Variants in CRB1 observed in about 807,000 individuals in gnomAD.
The protein encoded by CRB1 is protein crumbs homolog 1.
In CRB1, 83 loss-of-function variants were observed where a neutral mutation model predicts 120.0. The ratio of observed to expected loss-of-function variants is 0.69; its 90% CI spans 0.58 to 0.83. The LOEUF (loss-of-function observed/expected upper bound fraction) is 0.83. Among genes scored for constraint, CRB1 ranks in the 40% least tolerant of loss-of-function variants. The pLI, the probability that CRB1 is intolerant of heterozygous loss-of-function variation, is 0.00. For missense variants in CRB1, 1,699 were observed against 1,687.6 expected, an observed-to-expected ratio of 1.01 and a Z score of -0.12; for synonymous variants, 625 against 612.5, an observed-to-expected ratio of 1.02 and a Z score of -0.30.
the CRB1 span, among the ~76,000 whole-genome samples, chr1:197,208,067 TTG>T: frequency 3.9e-5 from 6 of 152,100 alleles, no homozygotes; most frequent in Non-Finnish European, 8.8e-5. Context: ...TTTCCAGAAG[TTG>T]TGATTTTTTT....
chr1:197,355,054 T>C (rs1660387322), intron 4 of CRB1, among the ~76,000 whole-genome samples: 1 of 151,694 alleles, frequency 6.6e-6, no homozygotes, highest in Admixed American at 6.6e-5. Context: ...ATTAGCTAGA[T>C]ACAGAGTGCC....
intron 4 of CRB1, among the ~76,000 whole-genome samples, chr1:197,353,946 A>G (rs1165503366): frequency 6.6e-6 from 1 of 151,074 alleles, no homozygotes; most frequent in Non-Finnish European, 1.5e-5. Context: ...AGCAGTATAC[A>G]TAGTATATAA....
intron 10 of CRB1, chr1:197,440,586 A>T (rs531617559): frequency 6.6e-6 from 1 of 152,336 alleles, no homozygotes; most frequent in South Asian, 2.1e-4. Flanking sequence ...AATGATGCTG[A>T]TAATACATGT....
At chr1:197,392,618 GATAA>G (rs1662564154) in intron 5 of CRB1, among the ~76,000 whole-genome samples, 1 of 152,034 alleles carries the variant, frequency 6.6e-6, no homozygotes, top group Non-Finnish European at 1.5e-5. Flanking sequence ...AGAGAAACAG[GATAA>G]ATATTTTTTG....
intron 2 of CRB1, among the ~76,000 whole-genome samples, chr1:197,337,081 T>C (rs906148014): frequency 1.3e-5 from 2 of 152,202 alleles, no homozygotes; most frequent in South Asian, 4.1e-4. Flanking sequence ...TCCAAGGCGA[T>C]GAAAAGGTGA....
the CRB1 span, among the ~76,000 whole-genome samples, chr1:197,245,292 GAAT>G: frequency 6.6e-6 from 1 of 151,954 alleles, no homozygotes; most frequent in Non-Finnish European, 1.5e-5. Context: ...TTCACTTCAA[GAAT>G]GTTTGTAATT....
intron 11 of CRB1, among the ~76,000 whole-genome samples, chr1:197,471,895 C>A (rs1666994345): frequency 1.3e-5 from 2 of 152,178 alleles, no homozygotes; most frequent in Admixed American, 1.3e-4. Context: ...GTCAGAATAG[C>A]AATTCACAAG....
intron 11 of CRB1, among the ~76,000 whole-genome samples, chr1:197,447,848 T>C (rs1665774339): frequency 7.2e-6 from 1 of 139,614 alleles, no homozygotes; most frequent in South Asian, 2.3e-4. Context: ...AGCAAGAACC[T>C]GTCTCAAAAA....
the CRB1 span, among the ~76,000 whole-genome samples, chr1:197,225,789 C>T: frequency 3.9e-5 from 6 of 152,234 alleles, no homozygotes; most frequent in African/African-American, 1.4e-4. Flanking sequence ...TATTTTGAAG[C>T]TTTCTCGCAT....
intron 6 of CRB1, among the ~76,000 whole-genome samples, chr1:197,426,905 T>C (rs1374620415): frequency 1.3e-5 from 2 of 152,226 alleles, no homozygotes; most frequent in African/African-American, 4.8e-5. Flanking sequence ...AATCACATGT[T>C]AATAGCAGAC....
At chr1:197,471,352 AG>A (rs1471317317) in intron 11 of CRB1, among the ~76,000 whole-genome samples, 2 of 152,266 alleles carry the variant, frequency 1.3e-5, no homozygotes, top group African/African-American at 2.4e-5. Context: ...CAGCCCTTGG[AG>A]GGGGCCGTAG....
chr1:197,418,149 A>G (rs772632638), intron 5 of CRB1, among the ~76,000 whole-genome samples: 4 of 152,156 alleles, frequency 2.6e-5, no homozygotes, highest in African/African-American at 2.4e-5. Flanking sequence ...CAGTTGTTCA[A>G]TAGTTTTACC....
intron 8 of CRB1, among the ~76,000 whole-genome samples, chr1:197,431,920 G>C (rs1664887180): frequency 6.6e-6 from 1 of 152,014 alleles, no homozygotes; most frequent in African/African-American, 2.4e-5. Flanking sequence ...GTAATCTTAT[G>C]ACTCTATTAT....
At chr1:197,323,082 A>G (rs1040433617) in intron 1 of CRB1, among the ~76,000 whole-genome samples, 1 of 152,198 alleles carries the variant, frequency 6.6e-6, no homozygotes, top group South Asian at 2.1e-4. Flanking sequence ...AATATCAAAA[A>G]TAATATTGAA....
rs1660514017 is a variant in CRB1 at position 197,356,951 on chromosome 1, C to T, written c.1109C>T (p.Pro370Leu). The T allele has an allele frequency of 6.2e-7, 1 of 1,614,126 alleles. No individual in the cohort carries two copies. Among genetic ancestry groups the T allele is most frequent in the South Asian group, 1.1e-5 (1 of 91,086 alleles). ...CAATATGGACGCATCACTGGACTGC[C>T]TTCTTCTTTCAGCTACCATGAAGCC... ...EKQYGRITGLPSSFSYHEASG... is the reference protein window; with the variant it reads ...EKQYGRITGLLSSFSYHEASG... Residue 370 changes from proline (P) to leucine (L), a missense_variant, in exon 5 of 12, where the codon CCT becomes CTT. Transcript: ENST00000367400.
At chr1:197,284,646 C>T (rs1434102454) in intron 1 of CRB1, among the ~76,000 whole-genome samples, 1 of 151,838 alleles carries the variant, frequency 6.6e-6, no homozygotes, top group Non-Finnish European at 1.5e-5. Context: ...TAGTCTTCAG[C>T]CATTTCCAGA....
At chr1:197,442,595 C>A in intron 11 of CRB1, 2 of 1,320,656 alleles carry the variant, frequency 1.5e-6, no homozygotes, top group Non-Finnish European at 2.0e-6. Flanking sequence ...AAAATATTTT[C>A]CTATTCTAAC....
At position 197,456,787 on chromosome 1, in the gene CRB1, ATG is replaced by A. The variant is rs566796881; in HGVS notation, c.4005+14497_4005+14498del. On this transcript the variant is annotated intron_variant, in intron 11 of 11. Transcript: ENST00000367400. ...TGATAAATGGTGGATGAATGAATAA[ATG>A]TATTATTTTAAAAACCGGTTTCTGT... is the stretch of plus-strand genomic sequence containing the variant. Among the ~76,000 whole-genome samples, 168 of 152,276 alleles carry A rather than the reference ATG, an allele frequency of 1.1e-3. 1 individual carries two copies. Among genetic ancestry groups the A allele is most frequent in the African/African-American group, 3.8e-3 (160 of 41,570 alleles).
At chr1:197,213,672 T>A in the CRB1 span, among the ~76,000 whole-genome samples, 1 of 152,210 alleles carries the variant, frequency 6.6e-6, no homozygotes, top group South Asian at 2.1e-4. Flanking sequence ...ATTGATGTTA[T>A]ACCAAGTATT....
Sources: allele counts gnomAD v4.1 joint callset (sites outside exome capture counted in the v4.1 genomes callset), GRCh38; gene constraint gnomAD v4.1.1; transcripts MANE v1.5; gene names NCBI Gene and HGNC (gene_info 2026-07-23, HGNC 2026-07-21).